STXBP6: variants seen among roughly 807,000 people sequenced by gnomAD.
The protein encoded by STXBP6 is syntaxin binding protein 6.
In STXBP6, 21 loss-of-function variants were observed where a neutral mutation model predicts 26.9. The observed-to-expected ratio is 0.78, with a 90% CI of 0.55 to 1.12. STXBP6 has a LOEUF of 1.12. STXBP6 is among the 50% of genes most tolerant of loss of function. The pLI is 0.00. For synonymous variants in STXBP6, 97 were observed against 92.6 expected (o/e 1.05, Z -0.27); for missense variants, 232 against 257.9 (o/e 0.90, Z 0.69).
At chr14:24,935,240 C>T (rs541592560) in intron 2 of STXBP6, among the ~76,000 whole-genome samples, 1 of 152,188 alleles carries the variant, frequency 6.6e-6, no homozygotes, top group Admixed American at 6.5e-5. Context: ...TCCTGCAGGG[C>T]CTCTTATGTG....
At chr14:24,851,647 C>A (rs1250342242) in intron 4 of STXBP6, among the ~76,000 whole-genome samples, 1 of 152,084 alleles carries the variant, frequency 6.6e-6, no homozygotes, top group African/African-American at 2.4e-5. Flanking sequence ...AACAGTATAA[C>A]ATCATTTCTG....
chr14:25,005,222 C>G (rs1472884627), intron 1 of STXBP6, among the ~76,000 whole-genome samples: 2 of 152,120 alleles, frequency 1.3e-5, no homozygotes, highest in Non-Finnish European at 2.9e-5. Context: ...TCACTTAACA[C>G]AATAAAATGG....
chr14:24,979,217 A>T (rs8011948), intron 1 of STXBP6, among the ~76,000 whole-genome samples: 62,608 of 152,154 alleles, frequency 0.41, 14,989 homozygotes, highest in African/African-American at 0.68. Context: ...CCTCTGATCA[A>T]GTTTTGGCCT....
chr14:24,876,247 T>C (rs2070140354), intron 2 of STXBP6, among the ~76,000 whole-genome samples: 1 of 152,178 alleles, frequency 6.6e-6, no homozygotes, highest in South Asian at 2.1e-4. Flanking sequence ...GCTGATTTCT[T>C]TTAGATTGCC....
At chr14:24,867,251 C>G (rs1258876566) in intron 2 of STXBP6, among the ~76,000 whole-genome samples, 2 of 152,146 alleles carry the variant, frequency 1.3e-5, no homozygotes, top group Admixed American at 1.3e-4. Context: ...CATCAAGGCA[C>G]TATCTTGGAA....
chr14:24,882,553 T>C (rs894758838), intron 2 of STXBP6, among the ~76,000 whole-genome samples: 2 of 151,986 alleles, frequency 1.3e-5, no homozygotes, highest in Non-Finnish European at 2.9e-5. Flanking sequence ...GCCTTACGTG[T>C]TTCTAGTACT....
At chr14:24,934,504 C>T (rs1415542968) in intron 2 of STXBP6, among the ~76,000 whole-genome samples, 1 of 152,158 alleles carries the variant, frequency 6.6e-6, no homozygotes, top group Non-Finnish European at 1.5e-5. Flanking sequence ...ATGTAGCACT[C>T]TCATCACCTC....
intron 1 of STXBP6, among the ~76,000 whole-genome samples, chr14:24,990,820 T>C (rs2074451447): frequency 6.6e-6 from 1 of 151,640 alleles, no homozygotes; most frequent in African/African-American, 2.4e-5. Context: ...AAAACTGGTC[T>C]GTAGGTTGAG....
chr14:25,032,433 T>C (rs1404683836), intron 1 of STXBP6, among the ~76,000 whole-genome samples: 1 of 152,318 alleles, frequency 6.6e-6, no homozygotes, highest in East Asian at 1.9e-4. Context: ...ATCTAACCTA[T>C]CTTTAACTCA....
chr14:24,945,631 C>G (rs988958710), intron 2 of STXBP6, among the ~76,000 whole-genome samples: 2 of 152,004 alleles, frequency 1.3e-5, no homozygotes, highest in African/African-American at 4.8e-5. Context: ...AATTAGATAA[C>G]CACTGCCAAT....
chr14:24,814,621 A>G (rs2067917644), intron 5 of STXBP6, among the ~76,000 whole-genome samples: 1 of 152,242 alleles, frequency 6.6e-6, no homozygotes, highest in Non-Finnish European at 1.5e-5. Context: ...ATTTGCAGAA[A>G]TACAGTTAAG....
intron 2 of STXBP6, among the ~76,000 whole-genome samples, chr14:24,889,575 TA>T (rs1555320725): frequency 6.8e-6 from 1 of 147,382 alleles, no homozygotes; most frequent in Non-Finnish European, 1.5e-5. Context: ...AATAATAAAA[TA>T]AAAAAAGAAA....
rs1384211557 is a variant in STXBP6 at position 24,809,937 on chromosome 14, T to C, written c.*2772A>G. On this transcript the variant is annotated 3_prime_UTR_variant, in exon 6 of 6. Transcript: ENST00000323944. ...AAAGTAGTATTAAAACAGTTTTCACTGTAACTTAAGTCTAACACGTAATCT... is the reference window on the plus strand; with the variant it reads ...AAAGTAGTATTAAAACAGTTTTCACCGTAACTTAAGTCTAACACGTAATCT... The C allele has an allele frequency of 3.3e-5, 5 of 152,316 alleles. No homozygotes were observed. The highest frequency in any genetic ancestry group is 3.4e-3 in the Middle Eastern group (1 of 294). 9.4% of individuals were successfully genotyped at this position (152,316 alleles called of 1,614,324 possible).
intron 1 of STXBP6, among the ~76,000 whole-genome samples, chr14:25,022,574 C>CA: frequency 6.6e-6 from 1 of 152,112 alleles, no homozygotes; most frequent in African/African-American, 2.4e-5. Flanking sequence ...GTGCTGCTAC[C>CA]AAAAAAGAAA....
Position 24,810,213 on chromosome 14 carries a change from G to A in STXBP6, c.*2496C>T, listed in dbSNP as rs2067780739. On this transcript the variant is annotated 3_prime_UTR_variant, in exon 6 of 6. Transcript: ENST00000323944. ...AGTATCCCAAAATTCATAGAGAAGT[G>A]CAGAAATGAAACAAATGAAATGTCT... The A allele has an allele frequency of 6.6e-6, 1 of 152,208 alleles. No homozygotes were observed. The highest frequency in any genetic ancestry group is 2.1e-4 in the South Asian group (1 of 4,832). 9.4% of individuals were successfully genotyped at this position (152,208 alleles called of 1,614,324 possible). A position where few individuals can be genotyped will look rare whatever the true frequency, so the allele number is the denominator to read the frequency against.
intron 2 of STXBP6, among the ~76,000 whole-genome samples, chr14:24,880,413 T>C (rs2070315917): frequency 6.6e-6 from 1 of 152,178 alleles, no homozygotes; most frequent in South Asian, 2.1e-4. Context: ...ATGTTTACTG[T>C]GCCACAGGTA....
At chr14:24,898,792 A>T (rs1595069658) in intron 2 of STXBP6, among the ~76,000 whole-genome samples, 1 of 151,236 alleles carries the variant, frequency 6.6e-6, no homozygotes, top group African/African-American at 2.5e-5. Context: ...TTTTCTTTAA[A>T]GGCATTTATG....
chr14:24,958,979 G>C (rs1032116989), intron 2 of STXBP6, among the ~76,000 whole-genome samples: 13 of 152,236 alleles, frequency 8.5e-5, no homozygotes, highest in Admixed American at 2.6e-4. Context: ...ATCTAAACAG[G>C]AGGTCACAGT....
intron 1 of STXBP6, among the ~76,000 whole-genome samples, chr14:24,999,287 G>T (rs535025860): frequency 6.6e-6 from 1 of 152,140 alleles, no homozygotes; most frequent in Non-Finnish European, 1.5e-5. Context: ...AATCTATAAA[G>T]AAGCCAGAAG....
Sources: gnomAD v4.1 joint callset for allele counts (sites outside exome capture counted in the v4.1 genomes callset) on GRCh38, gnomAD v4.1.1 for gene constraint, MANE v1.5 for transcripts, NCBI Gene and HGNC (gene_info 2026-07-23, HGNC 2026-07-21) for gene names.